Variants in SSH2 observed in about 807,000 individuals in gnomAD.
The protein encoded by SSH2 is slingshot protein phosphatase 2.
Under a neutral mutation model 135.2 loss-of-function variants are expected in SSH2, and 37 were observed. The observed-to-expected ratio is 0.27, with a 90% CI of 0.21 to 0.36. SSH2 has a LOEUF of 0.36. Ranked by LOEUF, SSH2 falls within the 10% of genes least tolerant of loss-of-function variation. SSH2 has a pLI of 1.00. For missense variants in SSH2, 1,408 were observed against 1,765.3 expected (o/e 0.80, Z 3.63); for synonymous variants, 628 against 646.2 (o/e 0.97, Z 0.43).
At chr17:29,683,808 G>A (rs1258047156) in intron 6 of SSH2, among the ~76,000 whole-genome samples, 1 of 151,990 alleles carries the variant, frequency 6.6e-6, no homozygotes, top group African/African-American at 2.4e-5. Flanking sequence ...AGCTGGGTAT[G>A]GTGGTGCATG....
At position 29,632,235 on chromosome 17, in the gene SSH2, G is replaced by A. The variant is rs771960417; in HGVS notation, c.2959C>T (p.Leu987=). 57 of 1,613,826 alleles carry A rather than the reference G, an allele frequency of 3.5e-5. No individual in the cohort carries two copies. The Admixed American group carries it at 6.8e-4, about 19-fold the overall frequency. ...QNATVPAPRV[L]EFDHLPDPQE... Reference sequence around the variant, plus strand: ...GGATCTGGCAAGTGGTCAAACTCCAGCACCCTGGGAGCTGGAACAGTGGCA... The same window carrying A: ...GGATCTGGCAAGTGGTCAAACTCCAACACCCTGGGAGCTGGAACAGTGGCA... The change falls in exon 16 of 16, where the codon CTG becomes TTG. Residue 987 remains leucine (L), a synonymous_variant. Transcript: ENST00000540801.
chr17:29,821,645 T>A (rs1419055331), intron 2 of SSH2, among the ~76,000 whole-genome samples: 1 of 148,976 alleles, frequency 6.7e-6, no homozygotes, highest in Non-Finnish European at 1.5e-5. Flanking sequence ...GATAACCAAG[T>A]CTATTTTTTT....
chr17:29,848,043 T>C (rs2043164258), intron 2 of SSH2, among the ~76,000 whole-genome samples: 1 of 152,220 alleles, frequency 6.6e-6, no homozygotes, highest in Non-Finnish European at 1.5e-5. Flanking sequence ...GATTGCTGTC[T>C]AACACCACAG....
At chr17:29,686,175 A>G (rs1011429926) in intron 5 of SSH2, among the ~76,000 whole-genome samples, 12 of 152,038 alleles carry the variant, frequency 7.9e-5, no homozygotes, top group African/African-American at 2.9e-4. Context: ...GGTATCTTAT[A>G]AGCCTTAAAA....
intron 2 of SSH2, among the ~76,000 whole-genome samples, chr17:29,805,464 A>G (rs8081325): frequency 0.063 from 9,521 of 152,094 alleles, 561 homozygotes; most frequent in African/African-American, 0.16. Flanking sequence ...CCTCATGCCT[A>G]TAAGTTCTTA....
chr17:29,722,159 C>T (rs2039843139), intron 3 of SSH2, among the ~76,000 whole-genome samples: 1 of 151,758 alleles, frequency 6.6e-6, no homozygotes, highest in Non-Finnish European at 1.5e-5. Flanking sequence ...CCTGTAATCC[C>T]AGCTACTCGG....
At chr17:29,736,587 A>C (rs1427283066) in intron 3 of SSH2, among the ~76,000 whole-genome samples, 2 of 151,906 alleles carry the variant, frequency 1.3e-5, no homozygotes, top group South Asian at 2.1e-4. Context: ...GGAGATCGAG[A>C]CCATCCTGGC....
chr17:29,658,616 C>T (rs1254841704), intron 11 of SSH2, among the ~76,000 whole-genome samples: 1 of 152,030 alleles, frequency 6.6e-6, no homozygotes, highest in Non-Finnish European at 1.5e-5. Flanking sequence ...CGTCTGTAAT[C>T]CCAACACTCT....
chr17:29,885,348 T>TAAAAAAAA (rs72403205), intron 1 of SSH2, among the ~76,000 whole-genome samples: 3 of 127,116 alleles, frequency 2.4e-5, no homozygotes, highest in Non-Finnish European at 3.3e-5. Flanking sequence ...TATTGTATCA[T>TAAAAAAAA]AAAAAAAAAA....
At chr17:29,675,572 C>T (rs147260195) in intron 8 of SSH2, among the ~76,000 whole-genome samples, 12 of 151,870 alleles carry the variant, frequency 7.9e-5, no homozygotes, top group Middle Eastern at 3.4e-3. Flanking sequence ...GGCAGGAGGA[C>T]GGCTTGAGGC....
chr17:29,876,733 A>T (rs187629488), intron 1 of SSH2, among the ~76,000 whole-genome samples: 45 of 152,314 alleles, frequency 3.0e-4, no homozygotes, highest in Admixed American at 2.9e-3. Context: ...TGGATTAAAG[A>T]ATTGAATCTA....
Position 29,695,662 on chromosome 17 carries a change from T to A in SSH2, c.293-139A>T, listed in dbSNP as rs369743738. ...CTAATTAGACATAGAAATTAAATGA[T>A]TATTAACTTCTTTTAAAATGGAAAG... is the stretch of plus-strand genomic sequence containing the variant. On this transcript the variant is annotated intron_variant, in intron 4 of 15. Coordinates refer to ENST00000540801, the MANE Select transcript of SSH2 (RefSeq NM_001282129.2). The A allele has an allele frequency of 8.9e-6, 6 of 674,878 alleles. No individual in the cohort carries two copies. The South Asian group carries it at 1.2e-4, about 14-fold the overall frequency. The allele number at this position is 674,878 out of a possible 1,614,324, so 41.8% of individuals were successfully genotyped here.
chr17:29,647,249 G>A (rs1288648738), intron 14 of SSH2, among the ~76,000 whole-genome samples: 4 of 150,474 alleles, frequency 2.7e-5, no homozygotes, highest in East Asian at 3.9e-4. Flanking sequence ...GTGACAGATC[G>A]AGACTCTGTC....
intron 1 of SSH2, among the ~76,000 whole-genome samples, chr17:29,899,917 C>T (rs1284575745): frequency 6.6e-6 from 1 of 152,144 alleles, no homozygotes; most frequent in Non-Finnish European, 1.5e-5. Context: ...CAGCATGGTA[C>T]TGGTACCAAA....
intron 1 of SSH2, among the ~76,000 whole-genome samples, chr17:29,900,545 C>T (rs1312017821): frequency 2.0e-4 from 30 of 152,050 alleles, no homozygotes; most frequent in Non-Finnish European, 4.1e-4. Context: ...TCATCACTGG[C>T]CATCAGAGAA....
intron 3 of SSH2, among the ~76,000 whole-genome samples, chr17:29,708,349 A>G (rs2039291481): frequency 6.6e-6 from 1 of 152,130 alleles, no homozygotes; most frequent in Non-Finnish European, 1.5e-5. Flanking sequence ...ACACTTTGGG[A>G]GGCCAAGGCG....
Position 29,631,282 on chromosome 17 carries a change from C to G in SSH2, c.3912G>C (p.Glu1304Asp), listed in dbSNP as rs2035656424. The change falls in exon 16 of 16, where the codon GAG (glutamate) becomes GAC (aspartate). Residue 1304 changes from glutamate (E) to aspartate (D), a missense_variant. Coordinates refer to ENST00000540801, the MANE Select transcript of SSH2 (RefSeq NM_001282129.2). The stretch of plus-strand genomic sequence containing the variant: ...GATGAGGGGATTCACAGGAGGCAGG[C>G]TCCCTCTCTGGTAAGCAGTCTTTAC... Reference protein sequence around the residue: ...DLCKDCLPEREPASCESPHLK... With the variant: ...DLCKDCLPERDPASCESPHLK... The G allele has an allele frequency of 6.2e-7, 1 of 1,614,124 alleles. No individual in the cohort carries two copies. Among genetic ancestry groups the G allele is most frequent in the Non-Finnish European group, 8.5e-7 (1 of 1,180,040 alleles).
chr17:29,757,428 G>A (rs1031866177), intron 3 of SSH2, among the ~76,000 whole-genome samples: 40 of 151,944 alleles, frequency 2.6e-4, no homozygotes, highest in African/African-American at 9.4e-4. Context: ...GCTAACAGTG[G>A]ATATATTTAA....
chr17:29,923,304 T>A (rs1322621078), intron 1 of SSH2, among the ~76,000 whole-genome samples: 3 of 152,130 alleles, frequency 2.0e-5, no homozygotes, highest in Admixed American at 1.3e-4. Context: ...CCAATGATGT[T>A]CATTGTAATG....
Sources: allele counts gnomAD v4.1 joint callset (sites outside exome capture counted in the v4.1 genomes callset), GRCh38; gene constraint gnomAD v4.1.1; transcripts MANE v1.5; gene names NCBI Gene and HGNC (gene_info 2026-07-23, HGNC 2026-07-21).